Variants in SLC35B3 observed in about 807,000 individuals in gnomAD.
The protein encoded by SLC35B3 is solute carrier family 35 member B3.
SLC35B3 carries 35 observed loss-of-function variants against 44.1 expected under a neutral mutation model. The observed-to-expected ratio is 0.79, with a 90% CI of 0.61 to 1.05. The LOEUF is 1.05. Among genes scored for constraint, SLC35B3 ranks in the 50% least tolerant of loss-of-function variants. The pLI, the probability that SLC35B3 is intolerant of heterozygous loss-of-function variation, is 0.00. For missense variants in SLC35B3, 414 were observed against 476.4 expected (o/e 0.87, Z 1.22); for synonymous variants, 146 against 167.3 (o/e 0.87, Z 0.98).
rs1762736755 is a variant in SLC35B3 at position 8,419,836 on chromosome 6, T to A, written c.683-159A>T. On this transcript the variant is annotated intron_variant, in intron 6 of 10. Coordinates refer to ENST00000644923, the MANE Select transcript of SLC35B3 (RefSeq NM_001370476.2). This position sits in a 1 kb window ranked among gnomAD's most constrained non-coding sequence, Gnocchi z 4.3. ...CCAGAATATTCTTATTCACAATCGG[T>A]TGTAACAAGTACATATGTGATGATA... Among the ~76,000 whole-genome samples, 1 of 152,134 alleles carries A rather than the reference T, an allele frequency of 6.6e-6. No homozygotes were observed. Among genetic ancestry groups the A allele is most frequent in the Non-Finnish European group, 1.5e-5 (1 of 67,972 alleles).
chr6:8,428,091 A>ATGTGTT lies in SLC35B3; in HGVS notation c.298-34_298-33insAACACA, dbSNP rs770338277. On this transcript the variant is annotated intron_variant, in intron 3 of 10. Transcript: ENST00000644923. Reference sequence around the variant, plus strand: ...AAGACACATGAACACTGTTAAGTCCAAGGCAGCACACTAATTTCCTAAAAA... The same window carrying ATGTGTT: ...AAGACACATGAACACTGTTAAGTCCATGTGTTAGGCAGCACACTAATTTCCTAAAAA... 2.8e-6 allele frequency: 4 copies of ATGTGTT among 1,416,392 alleles called. No homozygotes were observed. In the African/African-American group the frequency reaches 5.8e-5, roughly 21 times the overall value. The allele number at this position is 1,416,392 out of a possible 1,614,324, so 87.7% of individuals were successfully genotyped here.
chr6:8,428,486 C>T (rs1763651963), intron 3 of SLC35B3, among the ~76,000 whole-genome samples: 1 of 150,352 alleles, frequency 6.7e-6, no homozygotes, highest in Non-Finnish European at 1.5e-5. Flanking sequence ...TTACCAAACC[C>T]CAACCATTTT....
intron 3 of SLC35B3, among the ~76,000 whole-genome samples, chr6:8,429,226 A>T (rs1763728925): frequency 6.6e-6 from 1 of 152,150 alleles, no homozygotes; most frequent in African/African-American, 2.4e-5. Context: ...CATCCAGCCC[A>T]TGTCTTTGAA....
chr6:8,431,591 CTTG>C (rs1417300271), intron 2 of SLC35B3, among the ~76,000 whole-genome samples: 2 of 152,184 alleles, frequency 1.3e-5, no homozygotes, highest in Non-Finnish European at 2.9e-5. Flanking sequence ...CTGTGTTCCT[CTTG>C]TTTATTCTTC....
intron 4 of SLC35B3, 119 bp downstream of exon 3, chr6:8,427,818 C>T (rs1763564348): frequency 6.4e-6 from 5 of 780,800 alleles, no homozygotes; most frequent in African/African-American, 1.8e-5. Flanking sequence ...GTTAGTTACA[C>T]TAAGAGTTCG....
At chr6:8,415,037 C>G in intron 9 of SLC35B3, 60 bp from the exon 9 acceptor site, 1 of 1,147,812 alleles carries the variant, frequency 8.7e-7, no homozygotes, top group Non-Finnish European at 1.3e-6. Flanking sequence ...TTTTAGAAAT[C>G]ACTTATTCAG....
chr6:8,429,195 T>C (rs1763725268), intron 3 of SLC35B3, among the ~76,000 whole-genome samples: 1 of 152,174 alleles, frequency 6.6e-6, no homozygotes, highest in Non-Finnish European at 1.5e-5. Context: ...CATCCTGTTT[T>C]CACTAGCCTG....
Position 8,434,335 on chromosome 6 carries a change from A to AT in SLC35B3, c.3+49dup. On this transcript the variant is annotated intron_variant, in intron 2 of 10. Coordinates refer to ENST00000644923, the MANE Select transcript of SLC35B3 (RefSeq NM_001370476.2). This position sits in a 1 kb window ranked among gnomAD's most constrained non-coding sequence, Gnocchi z 6.3. ...GGTGTCATTAACCTGAAAAAACGTG[A>AT]TTTTAACTATACTTTGCCACACTCA... 1 of 1,574,032 alleles carries AT rather than the reference A, an allele frequency of 6.4e-7. No individual in the cohort carries two copies. Among genetic ancestry groups the AT allele is most frequent in the Non-Finnish European group, 8.7e-7 (1 of 1,146,274 alleles).
chr6:8,428,371 G>C (rs1462525905), intron 3 of SLC35B3, among the ~76,000 whole-genome samples: 1 of 151,980 alleles, frequency 6.6e-6, no homozygotes, highest in African/African-American at 2.4e-5. Flanking sequence ...TATTCTAATA[G>C]TTATCTGGTT....
intron 4 of SLC35B3, among the ~76,000 whole-genome samples, chr6:8,425,879 C>T (rs2113446906): frequency 6.6e-6 from 1 of 152,324 alleles, no homozygotes; most frequent in East Asian, 1.9e-4. Flanking sequence ...TAACCACTTT[C>T]TGTTTATAAT....
intron 4 of SLC35B3, among the ~76,000 whole-genome samples, chr6:8,426,299 C>T (rs753666952): frequency 5.9e-5 from 9 of 152,124 alleles, no homozygotes; most frequent in Non-Finnish European, 1.3e-4. Flanking sequence ...TTCATATATA[C>T]ATTATACACA....
Position 8,422,545 on chromosome 6 carries a change from G to C in SLC35B3, c.499C>G (p.Leu167Val). ...AAGATGACTTGGGTAGGGTAATTCA[G>C]GTAGCCCAAGGAAGTGTTTGATAAC... The change falls in exon 5 of 11, where the codon CTG becomes GTG. Residue 167 changes from leucine to valine, a missense_variant. By Grantham distance (32) the Leu-to-Val change is conservative (BLOSUM62 1). Transcript: ENST00000644923. 6.2e-7 allele frequency: 1 copy of C among 1,613,242 alleles called. No individual in the cohort carries two copies. The highest frequency in any genetic ancestry group is 8.5e-7 in the Non-Finnish European group (1 of 1,179,342).
At chr6:8,413,837 A>C (rs1762177040) in intron 10 of SLC35B3, 138 bp from the exon 10 acceptor site, 2 of 555,100 alleles carry the variant, frequency 3.6e-6, no homozygotes, top group South Asian at 5.3e-5. Flanking sequence ...AATAGCATTA[A>C]AATAAAAATA....
chr6:8,422,930 A>G (rs564614001), intron 4 of SLC35B3, among the ~76,000 whole-genome samples: 1 of 150,768 alleles, frequency 6.6e-6, no homozygotes, highest in Admixed American at 6.6e-5. Flanking sequence ...TTTTAACAGC[A>G]GTTCTAGCCA....
intron 7 of SLC35B3, among the ~76,000 whole-genome samples, chr6:8,417,976 T>TCAG (rs896798703): frequency 7.2e-5 from 11 of 151,952 alleles, no homozygotes; most frequent in South Asian, 2.1e-4. Flanking sequence ...ATAAACAGAA[T>TCAG]CAGCAGCAGC....
Position 8,420,668 on chromosome 6 carries a change from G to T in SLC35B3, c.682+53C>A. ...AATGCTTACAAAATATTCGAAATTCGTATTCTAAACTAAAAAGCCTATAAA... is the reference window on the plus strand; with the variant it reads ...AATGCTTACAAAATATTCGAAATTCTTATTCTAAACTAAAAAGCCTATAAA... On this transcript the variant is annotated intron_variant, in intron 6 of 10. Coordinates refer to ENST00000644923, the MANE Select transcript of SLC35B3 (RefSeq NM_001370476.2). The surrounding 1 kb of genome is among the most constrained non-coding windows in gnomAD (Gnocchi z 4.4). 7.6e-7 allele frequency: 1 copy of T among 1,309,168 alleles called. No individual in the cohort carries two copies. The highest frequency in any genetic ancestry group is 1.1e-6 in the Non-Finnish European group (1 of 927,216). The allele number at this position is 1,309,168 out of a possible 1,614,324, so 81.1% of individuals were successfully genotyped here. A position where few individuals can be genotyped will look rare whatever the true frequency, so the allele number is the denominator to read the frequency against.
intron 7 of SLC35B3, 54 bp from the exon 7 acceptor site, chr6:8,417,548 G>T: frequency 9.7e-7 from 1 of 1,036,114 alleles, no homozygotes. Context: ...GAAAATGGAA[G>T]ATTAAGGGTT....
intron 5 of SLC35B3, among the ~76,000 whole-genome samples, chr6:8,422,194 A>G (rs986776374): frequency 6.6e-6 from 1 of 152,062 alleles, no homozygotes; most frequent in Non-Finnish European, 1.5e-5. Flanking sequence ...TAGTAGAGAC[A>G]GGGTTTCACC....
intron 4 of SLC35B3, among the ~76,000 whole-genome samples, chr6:8,422,877 T>G (rs1763031406): frequency 6.6e-6 from 1 of 151,982 alleles, no homozygotes; most frequent in African/African-American, 2.4e-5. Context: ...GAGTTTAGAT[T>G]TTTACTGAAG....
Sources: allele counts gnomAD v4.1 joint callset (sites outside exome capture counted in the v4.1 genomes callset), GRCh38; gene constraint gnomAD v4.1.1; non-coding constraint Gnocchi (gnomAD v3.1); transcripts MANE v1.5; gene names NCBI Gene and HGNC (gene_info 2026-07-23, HGNC 2026-07-21).